The following AGMO variants were observed in gnomAD, a reference collection of about 807,000 sequenced individuals.
The protein encoded by AGMO is alkylglycerol monooxygenase, also known as glyceryl-ether monooxygenase.
A neutral mutation model predicts 60.2 loss-of-function variants in AGMO; 75 were observed. That is an observed-to-expected ratio of 1.25 (90% CI 1.03 to 1.51). The LOEUF is 1.51. Ranked by LOEUF, AGMO falls within the 40% of genes most tolerant of loss-of-function variation. AGMO has a pLI of 0.00. For synonymous variants in AGMO, 261 were observed against 177.1 expected, an observed-to-expected ratio of 1.47 and a Z score of -3.76; for missense variants, 763 against 525.5, an observed-to-expected ratio of 1.45 and a Z score of -4.42.
intron 10 of AGMO, among the ~76,000 whole-genome samples, chr7:15,371,922 TGTTTC>T (rs1783234804): frequency 1.3e-5 from 1 of 75,074 alleles, no homozygotes; most frequent in African/African-American, 6.0e-5. Flanking sequence ...AATTATTAAG[TGTTTC>T]TAAATATTAA....
At chr7:15,198,706 A>G (rs1183237723), downstream of AGMO, among the ~76,000 whole-genome samples, 1 of 152,074 alleles carries the variant, frequency 6.6e-6, no homozygotes, top group African/African-American at 2.4e-5. Context: ...CAGAGATAAA[A>G]ATCAAAGAGC....
At chr7:15,130,445 C>A in the AGMO span, among the ~76,000 whole-genome samples, 1 of 152,054 alleles carries the variant, frequency 6.6e-6, no homozygotes, top group African/African-American at 2.4e-5. Flanking sequence ...CATCTTTCTC[C>A]ACTCCTCACT....
the AGMO span, among the ~76,000 whole-genome samples, chr7:15,163,945 G>T: frequency 3.3e-5 from 5 of 151,986 alleles, no homozygotes; most frequent in Non-Finnish European, 7.4e-5. Context: ...CTATGAATCT[G>T]TCTGGTTGTA....
chr7:15,435,204 G>A (rs1464318023), intron 3 of AGMO, among the ~76,000 whole-genome samples: 1 of 151,920 alleles, frequency 6.6e-6, no homozygotes, highest in African/African-American at 2.4e-5. Flanking sequence ...GTGGACATGA[G>A]TTTTTATTTC....
intron 12 of AGMO, among the ~76,000 whole-genome samples, chr7:15,215,011 C>G (rs565754796): frequency 6.6e-6 from 1 of 152,210 alleles, no homozygotes; most frequent in Non-Finnish European, 1.5e-5. Flanking sequence ...TTCAAACTTT[C>G]AAATGAATGA....
At chr7:15,412,135 A>G (rs1257674786) in intron 5 of AGMO, among the ~76,000 whole-genome samples, 1 of 152,074 alleles carries the variant, frequency 6.6e-6, no homozygotes, top group Admixed American at 6.6e-5. Flanking sequence ...TGTATATATT[A>G]CTTCATAATT....
intron 10 of AGMO, among the ~76,000 whole-genome samples, chr7:15,367,348 T>G (rs1209129246): frequency 6.6e-6 from 1 of 152,042 alleles, no homozygotes. Flanking sequence ...AAATTTAATG[T>G]TTATTGAACA....
At chr7:15,496,803 C>T (rs1783245435) in intron 3 of AGMO, among the ~76,000 whole-genome samples, 2 of 152,074 alleles carry the variant, frequency 1.3e-5, no homozygotes, top group African/African-American at 2.4e-5. Context: ...ATTAGCAAAG[C>T]GCACTTGCAT....
At chr7:15,180,628 G>A in the AGMO span, among the ~76,000 whole-genome samples, 3 of 152,090 alleles carry the variant, frequency 2.0e-5, no homozygotes, top group South Asian at 6.2e-4. Context: ...TTCACTTAAT[G>A]CTTCATTCAC....
rs1268142607 is a variant in AGMO, at chr7:15,322,489, TATATATAA to T, written c.1263+43017_1263+43024del. Among the ~76,000 whole-genome samples the T allele has an allele frequency of 2.0e-4, 17 of 83,916 alleles. 1 individual carries two copies. The highest frequency in any genetic ancestry group is 5.9e-4 in the Admixed American group (3 of 5,090). 55.1% of individuals were successfully genotyped at this position (83,916 alleles called of 152,430 possible). A position where few individuals can be genotyped will look rare whatever the true frequency, so the allele number is the denominator to read the frequency against. ...ATAAATATATAAATATATATATAAA[TATATATAA>T]ATATATAAATATATATATAAATATA... On this transcript the variant is annotated intron_variant, in intron 12 of 12. Coordinates refer to ENST00000342526, the MANE Select transcript of AGMO (RefSeq NM_001004320.2).
intron 12 of AGMO, among the ~76,000 whole-genome samples, chr7:15,235,878 A>G (rs770608363): frequency 2.0e-5 from 3 of 152,130 alleles, no homozygotes; most frequent in Non-Finnish European, 2.9e-5. Context: ...AATTTGCATC[A>G]TTTTCTTTTT....
intron 12 of AGMO, among the ~76,000 whole-genome samples, chr7:15,333,820 T>TA (rs1188095183): frequency 6.6e-6 from 1 of 152,044 alleles, no homozygotes; most frequent in Non-Finnish European, 1.5e-5. Flanking sequence ...TTACAATAAT[T>TA]GTAGTTTGGT....
chr7:15,421,937 GA>G (rs1489208658), intron 4 of AGMO, among the ~76,000 whole-genome samples: 5 of 152,034 alleles, frequency 3.3e-5, no homozygotes, highest in Non-Finnish European at 7.4e-5. Flanking sequence ...GCTGAAACAG[GA>G]CAGTCTCAGA....
At chr7:15,213,957 G>C (rs1178772564) in intron 12 of AGMO, among the ~76,000 whole-genome samples, 2 of 151,926 alleles carry the variant, frequency 1.3e-5, no homozygotes, top group Non-Finnish European at 2.9e-5. Context: ...CATTTTGCTT[G>C]TTTGTGTTTA....
chr7:15,258,945 C>T (rs1783187800), intron 12 of AGMO, among the ~76,000 whole-genome samples: 1 of 152,072 alleles, frequency 6.6e-6, no homozygotes, highest in Non-Finnish European at 1.5e-5. Flanking sequence ...ATCTCATAGT[C>T]TACCTAAATG....
chr7:15,444,932 C>T (rs145663066), intron 3 of AGMO, among the ~76,000 whole-genome samples: 10 of 152,312 alleles, frequency 6.6e-5, no homozygotes, highest in African/African-American at 2.2e-4. Context: ...TCATCTTGAT[C>T]ACCCAGGCCA....
intron 10 of AGMO, among the ~76,000 whole-genome samples, chr7:15,375,685 T>C: frequency 6.6e-6 from 1 of 152,102 alleles, no homozygotes; most frequent in East Asian, 1.9e-4. Context: ...CGTAAGCCAC[T>C]GTGCCCAGCC....
intron 2 of AGMO, among the ~76,000 whole-genome samples, chr7:15,549,349 C>G (rs1011251980): frequency 4.0e-5 from 6 of 151,764 alleles, no homozygotes; most frequent in Non-Finnish European, 8.8e-5. Context: ...ACTAAATGCT[C>G]CAGTTAAAAG....
intron 10 of AGMO, among the ~76,000 whole-genome samples, chr7:15,383,653 ATAT>A (rs970591621): frequency 1.2e-4 from 19 of 152,178 alleles, no homozygotes; most frequent in South Asian, 4.2e-4. Context: ...TTTTCAGCAT[ATAT>A]TATTTATTAA....
Sources: allele counts gnomAD v4.1 joint callset (sites outside exome capture counted in the v4.1 genomes callset), GRCh38; gene constraint gnomAD v4.1.1; transcripts MANE v1.5; gene names NCBI Gene and HGNC (gene_info 2026-07-23, HGNC 2026-07-21).